NEK2: variants seen among roughly 807,000 people sequenced by gnomAD.
The protein encoded by NEK2 is NIMA related kinase 2, also known as serine/threonine-protein kinase Nek2.
A neutral mutation model predicts 54.1 loss-of-function variants in NEK2; 28 were observed. The observed-to-expected ratio is 0.52, with a 90% confidence interval of 0.38 to 0.71. The LOEUF is 0.71. Ranked by LOEUF, NEK2 falls within the 30% of genes least tolerant of loss-of-function variation. The pLI, the probability that NEK2 is intolerant of heterozygous loss-of-function variation, is 0.00. For synonymous variants in NEK2, 176 were observed against 193.1 expected, an observed-to-expected ratio of 0.91 and a Z score of 0.73; for missense variants, 407 against 531.5, an observed-to-expected ratio of 0.77 and a Z score of 2.30.
At position 211,670,319 on chromosome 1, in the gene NEK2, C is replaced by T; in HGVS notation, c.727G>A (p.Glu243Lys). The change falls in exon 5 of 8, where the codon GAA (glutamate) becomes AAA (lysine). Residue 243 changes from glutamate (E) to lysine (K), a missense_variant. By Grantham distance (56) the Glu-to-Lys change is moderately conservative. Coordinates refer to ENST00000366999, the MANE Select transcript of NEK2 (RefSeq NM_002497.4). ...FRRIPYRYSD[E>K]LNEIITRMLN... ...ATCCTCGTAATAATTTCATTCAATT[C>T]ATCAGAGTAACGGTATGGAATTCGC... is the stretch of plus-strand genomic sequence containing the variant. The T allele has an allele frequency of 6.2e-7, 1 of 1,612,126 alleles. No homozygotes were observed. The highest frequency in any genetic ancestry group is 2.2e-5 in the East Asian group (1 of 44,852).
intron 5 of NEK2, 124 bp downstream of exon 5, chr1:211,670,157 T>C (rs1655325903): frequency 2.0e-5 from 21 of 1,064,228 alleles, no homozygotes; most frequent in Non-Finnish European, 2.6e-5. Context: ...GTTAACACAG[T>C]AAATTTAGCT....
chr1:211,666,659 C>G, intron 7 of NEK2: 1 of 270,084 alleles, frequency 3.7e-6, no homozygotes, highest in Non-Finnish European at 5.7e-6. Flanking sequence ...ATTAGCCGGG[C>G]TTGGTGGCGG....
intron 3 of NEK2, among the ~76,000 whole-genome samples, chr1:211,673,056 A>C (rs1163130121): frequency 6.6e-6 from 1 of 151,262 alleles, no homozygotes; most frequent in Non-Finnish European, 1.5e-5. Context: ...ATTCTTGGCT[A>C]CTAGATATTA....
downstream of NEK2, among the ~76,000 whole-genome samples, chr1:211,659,128 C>T (rs573340413): frequency 1.3e-5 from 2 of 151,730 alleles, no homozygotes; most frequent in South Asian, 4.2e-4. Context: ...AATTATGCCT[C>T]CAGTATCAGA....
downstream of NEK2, among the ~76,000 whole-genome samples, chr1:211,659,107 GTC>G (rs1204851771): frequency 1.3e-5 from 2 of 151,810 alleles, no homozygotes; most frequent in African/African-American, 4.8e-5. Context: ...AACTTTCTAA[GTC>G]TCTACACAAA....
At chr1:211,671,733 T>C (rs1655399394) in intron 3 of NEK2, among the ~76,000 whole-genome samples, 2 of 152,244 alleles carry the variant, frequency 1.3e-5, no homozygotes, top group African/African-American at 4.8e-5. Flanking sequence ...ACTAATATTA[T>C]CCTTACCTAT....
intron 6 of NEK2, among the ~76,000 whole-genome samples, 184 bp from the exon 7 acceptor site, chr1:211,667,415 G>C (rs992117813): frequency 4.6e-5 from 7 of 152,200 alleles, no homozygotes; most frequent in African/African-American, 1.7e-4. Context: ...TGTTTTAGTA[G>C]GCTGTATGTT....
rs1240289502 is a variant in NEK2, at chr1:211,674,391, C to A, written c.219G>T (p.Arg73=). The A allele has an allele frequency of 6.2e-7, 1 of 1,614,128 alleles. No homozygotes were observed. Among genetic ancestry groups the A allele is most frequent in the East Asian group, 2.2e-5 (1 of 44,872 alleles). Residue 73 remains arginine, a synonymous_variant, in exon 2 of 8, where the codon CGG becomes CGT. Transcript: ENST00000366999. ...GTGTTGTATTGGTCCGGTCAATAAT[C>A]CGATCATAGTAACGAACGATGTTTG... ...KHPNIVRYYD[R]IIDRTNTTLY... is the part of the protein sequence containing the mutation.
chr1:211,670,847 A>G (rs1373974311), intron 4 of NEK2, among the ~76,000 whole-genome samples: 1 of 152,260 alleles, frequency 6.6e-6, no homozygotes, highest in Non-Finnish European at 1.5e-5. Flanking sequence ...TCCCTGCTCT[A>G]CAGATCCCCA....
At chr1:211,658,465 A>C (rs1233724799), downstream of NEK2, among the ~76,000 whole-genome samples, 1 of 152,054 alleles carries the variant, frequency 6.6e-6, no homozygotes, top group East Asian at 1.9e-4. Flanking sequence ...TTATATCAGT[A>C]ATGAACAGAC....
At chr1:211,674,584 T>C in intron 1 of NEK2, 71 bp from the exon 2 acceptor site, 1 of 1,129,236 alleles carries the variant, frequency 8.9e-7, no homozygotes, top group Non-Finnish European at 1.3e-6. Context: ...GTTCCAAGAT[T>C]TAACAAATTA....
At chr1:211,665,385 C>G (rs529075633) in intron 7 of NEK2, among the ~76,000 whole-genome samples, 37 of 152,294 alleles carry the variant, frequency 2.4e-4, no homozygotes, top group Admixed American at 1.4e-3. Flanking sequence ...AGTAGATTCC[C>G]ATACTTATCT....
At chr1:211,674,574 GT>G in intron 1 of NEK2, 61 bp from the exon 2 acceptor site, 1 of 1,289,120 alleles carries the variant, frequency 7.8e-7, no homozygotes, top group Non-Finnish European at 1.1e-6. Context: ...AAGAATGAAA[GT>G]TCCAAGATTT....
chr1:211,665,672 A>T (rs1177687137), intron 7 of NEK2, among the ~76,000 whole-genome samples: 1 of 152,250 alleles, frequency 6.6e-6, no homozygotes, highest in Non-Finnish European at 1.5e-5. Flanking sequence ...ATAATATTGA[A>T]ATGGTAGACT....
chr1:211,674,342 C>T lies in NEK2; in HGVS notation c.268G>A (p.Glu90Lys), dbSNP rs1376025508. The T allele has an allele frequency of 3.7e-6, 6 of 1,614,012 alleles. No individual in the cohort carries two copies. In the South Asian group the frequency reaches 6.6e-5, roughly 18 times the overall value. ...TTLYIVMEYC[E>K]GGDLASVITK... ...ATTACACTAGCCAGATCCCCTCCTT[C>T]ACAATATTCCATTACAATGTACAGT... is the stretch of plus-strand genomic sequence containing the variant. Residue 90 changes from glutamate to lysine, a missense_variant, in exon 2 of 8, where the codon GAA (glutamate) becomes AAA (lysine). Physicochemically the swap from Glu to Lys is moderately conservative, Grantham distance 56. Transcript: ENST00000366999.
chr1:211,667,043 A>C (rs1201834297), intron 7 of NEK2, 63 bp downstream of exon 7: 2 of 1,606,506 alleles, frequency 1.2e-6, no homozygotes, highest in South Asian at 2.2e-5. Flanking sequence ...CTTTGGGAGC[A>C]ACACTGGTGC....
downstream of NEK2, chr1:211,660,787 A>G (rs1310420334): frequency 8.6e-6 from 6 of 695,608 alleles, no homozygotes; most frequent in African/African-American, 3.5e-5. Context: ...GAGCTCAATC[A>G]GGTTCAGGTA....
Position 211,663,300 on chromosome 1 carries a change from T to C in NEK2, c.*126A>G. On this transcript the variant is annotated 3_prime_UTR_variant, in exon 8 of 8. Transcript: ENST00000366999. ...GAACAGTAAAACCAATTCCGAAATATCATGTGTACTATACAGAAAGGCATG... is the reference window on the plus strand; with the variant it reads ...GAACAGTAAAACCAATTCCGAAATACCATGTGTACTATACAGAAAGGCATG... 1 of 1,427,234 alleles carries C rather than the reference T, an allele frequency of 7.0e-7. No individual in the cohort carries two copies. Among genetic ancestry groups the C allele is most frequent in the Non-Finnish European group, 9.2e-7 (1 of 1,087,204 alleles). The allele number at this position is 1,427,234 out of a possible 1,614,324, so 88.4% of individuals were successfully genotyped here. A position where few individuals can be genotyped will look rare whatever the true frequency, so the allele number is the denominator to read the frequency against.
chr1:211,661,547 T>G (rs1655018631), downstream of NEK2, among the ~76,000 whole-genome samples: 1 of 152,234 alleles, frequency 6.6e-6, no homozygotes, highest in African/African-American at 2.4e-5. Context: ...CTAGATAAGT[T>G]CTAGAATCTT....
Sources: gnomAD v4.1 joint callset for allele counts (sites outside exome capture counted in the v4.1 genomes callset) on GRCh38, gnomAD v4.1.1 for gene constraint, MANE v1.5 for transcripts, NCBI Gene and HGNC (gene_info 2026-07-23, HGNC 2026-07-21) for gene names.